The following EDIL3 variants were observed in gnomAD, a reference collection of about 807,000 sequenced individuals.
The protein encoded by EDIL3 is EGF-like repeat and discoidin I-like domain-containing protein 3.
Under a neutral mutation model 67.4 loss-of-function variants are expected in EDIL3, and 37 were observed. The ratio of observed to expected loss-of-function variants is 0.55; its 90% CI spans 0.42 to 0.72. The LOEUF is 0.72. Among genes scored for constraint, EDIL3 ranks in the 30% least tolerant of loss-of-function variants. EDIL3 has a pLI of 0.00. For missense variants in EDIL3, 527 were observed against 586.3 expected, an observed-to-expected ratio of 0.90 and a Z score of 1.04; for synonymous variants, 195 against 196.3, an observed-to-expected ratio of 0.99 and a Z score of 0.05.
intron 4 of EDIL3, among the ~76,000 whole-genome samples, chr5:84,166,641 G>A (rs1449388993): frequency 6.6e-6 from 1 of 152,098 alleles, no homozygotes; most frequent in Non-Finnish European, 1.5e-5. Context: ...AATATAAAAT[G>A]TGGCAGATGG....
chr5:84,190,827 T>C (rs1188932174), intron 3 of EDIL3, among the ~76,000 whole-genome samples: 1 of 151,926 alleles, frequency 6.6e-6, no homozygotes, highest in Non-Finnish European at 1.5e-5. Flanking sequence ...CTCTTTTGTC[T>C]CCCTCACTGA....
chr5:84,031,468 C>T (rs1200919864), intron 9 of EDIL3, among the ~76,000 whole-genome samples: 1 of 152,132 alleles, frequency 6.6e-6, no homozygotes, highest in Non-Finnish European at 1.5e-5. Context: ...TAAATCTACC[C>T]ATGCAACACT....
intron 4 of EDIL3, among the ~76,000 whole-genome samples, chr5:84,142,125 A>G (rs1748211287): frequency 6.6e-6 from 1 of 151,580 alleles, no homozygotes; most frequent in Non-Finnish European, 1.5e-5. Flanking sequence ...GATTATAGCC[A>G]AAAGCCCATG....
chr5:84,104,646 C>T (rs1747426266), intron 6 of EDIL3, among the ~76,000 whole-genome samples: 1 of 151,870 alleles, frequency 6.6e-6, no homozygotes, highest in Non-Finnish European at 1.5e-5. Context: ...ATCCCACTGA[C>T]CTTAAAAGTA....
At chr5:84,380,810 T>G (rs768095836) in intron 1 of EDIL3, among the ~76,000 whole-genome samples, 14 of 152,088 alleles carry the variant, frequency 9.2e-5, no homozygotes, top group Non-Finnish European at 1.8e-4. Context: ...GCTTTTACTT[T>G]TAATGGTATC....
chr5:84,029,129 T>C lies in EDIL3; in HGVS notation c.1137+31171A>G, dbSNP rs570650149. ...AAAATTAGCCAGGTGTGGTGGCAGG[T>C]GCCTGTAGTCCCAGCTACTCTGGAG... On this transcript the variant is annotated intron_variant, in intron 9 of 10. Coordinates refer to ENST00000296591, the MANE Select transcript of EDIL3 (RefSeq NM_005711.5). Among the ~76,000 whole-genome samples the C allele has an allele frequency of 4.6e-5, 7 of 152,204 alleles. No homozygotes were observed. In the East Asian group the frequency reaches 7.7e-4, roughly 17 times the overall value.
At chr5:83,980,836 C>G (rs1429735252) in intron 9 of EDIL3, among the ~76,000 whole-genome samples, 1 of 151,374 alleles carries the variant, frequency 6.6e-6, no homozygotes, top group Non-Finnish European at 1.5e-5. Flanking sequence ...AACTGGTTTT[C>G]TATATCCTAG....
intron 3 of EDIL3, 95 bp downstream of exon 3, chr5:84,229,760 T>C: frequency 7.5e-7 from 1 of 1,340,636 alleles, no homozygotes; most frequent in Non-Finnish European, 1.0e-6. Context: ...AATTTTCTGG[T>C]TGAAATCTGA....
chr5:84,001,425 A>G (rs1420921921), intron 9 of EDIL3, among the ~76,000 whole-genome samples: 1 of 152,132 alleles, frequency 6.6e-6, no homozygotes, highest in South Asian at 2.1e-4. Flanking sequence ...AGCAAACCAA[A>G]CATAAAATTA....
intron 2 of EDIL3, among the ~76,000 whole-genome samples, chr5:84,230,763 A>ATTGTGTGTGTGTG (rs754636367): frequency 1.5e-5 from 2 of 137,130 alleles, no homozygotes; most frequent in African/African-American, 2.8e-5. Flanking sequence ...CCACTACGTG[A>ATTGTGTGTGTGTG]TGTGTGTGTG....
chr5:84,305,551 G>A (rs114518881), intron 1 of EDIL3, among the ~76,000 whole-genome samples: 178 of 152,340 alleles, frequency 1.2e-3, no homozygotes, highest in African/African-American at 4.2e-3. Flanking sequence ...ACAATTCCAA[G>A]CTGTGAGTTC....
intron 1 of EDIL3, among the ~76,000 whole-genome samples, chr5:84,374,791 G>C (rs997393204): frequency 2.6e-5 from 4 of 152,164 alleles, no homozygotes; most frequent in African/African-American, 7.2e-5. Context: ...GGTTTTATAA[G>C]TGTTTGGAAG....
chr5:84,153,103 A>T (rs976009071), intron 4 of EDIL3, among the ~76,000 whole-genome samples: 14 of 152,124 alleles, frequency 9.2e-5, no homozygotes, highest in African/African-American at 3.4e-4. Flanking sequence ...GTTCATTACC[A>T]ATAGCTAACA....
At chr5:84,002,735 A>G (rs1039078872) in intron 9 of EDIL3, among the ~76,000 whole-genome samples, 2 of 152,234 alleles carry the variant, frequency 1.3e-5, no homozygotes, top group Non-Finnish European at 2.9e-5. Flanking sequence ...GATAACCAAC[A>G]GGCTCTCTGA....
chr5:84,328,188 T>A (rs1746801512), intron 1 of EDIL3, among the ~76,000 whole-genome samples: 1 of 152,044 alleles, frequency 6.6e-6, no homozygotes, highest in African/African-American at 2.4e-5. Context: ...TGCAGTTAAA[T>A]ATGTGAGCCT....
At chr5:84,218,006 GA>G (rs1376726211) in intron 3 of EDIL3, among the ~76,000 whole-genome samples, 1 of 152,080 alleles carries the variant, frequency 6.6e-6, no homozygotes, top group Non-Finnish European at 1.5e-5. Context: ...AAAATGAAAA[GA>G]AAATCATGAA....
At position 83,963,321 on chromosome 5, in the gene EDIL3, T is replaced by C; in HGVS notation, c.1177A>G (p.Thr393Ala). The change falls in exon 10 of 11, where the codon ACA becomes GCA. Residue 393 changes from threonine to alanine, a missense_variant. Around this residue, in one of 2 missense-constraint regions of EDIL3, gnomAD observed 494 missense variants for 522.5 expected, o/e 0.95. Coordinates refer to ENST00000296591, the MANE Select transcript of EDIL3 (RefSeq NM_005711.5). The part of the protein sequence containing the change: ...LVPTKVTGII[T>A]QGAKDFGHVQ... ...TGACCAAAATCTTTAGCTCCTTGTG[T>C]AATGATGCCAGTCACTTTGGTTGGA... 2 of 1,609,292 alleles carry C rather than the reference T, an allele frequency of 1.2e-6. No homozygotes were observed. The highest frequency in any genetic ancestry group is 1.7e-6 in the Non-Finnish European group (2 of 1,177,392).
intron 10 of EDIL3, among the ~76,000 whole-genome samples, chr5:83,954,524 C>T (rs1296231052): frequency 1.3e-5 from 2 of 151,654 alleles, no homozygotes; most frequent in Admixed American, 1.3e-4. Flanking sequence ...ACGTGATGAG[C>T]CTTCTCCCTC....
At chr5:84,101,459 G>C (rs1462406876) in intron 6 of EDIL3, among the ~76,000 whole-genome samples, 1 of 151,938 alleles carries the variant, frequency 6.6e-6, no homozygotes, top group Non-Finnish European at 1.5e-5. Flanking sequence ...GATTAATAAA[G>C]GAGAAAAGGG....
Sources: allele counts gnomAD v4.1 joint callset (sites outside exome capture counted in the v4.1 genomes callset), GRCh38; gene constraint gnomAD v4.1.1; regional missense constraint gnomAD v4.1.1; transcripts MANE v1.5; gene names NCBI Gene and HGNC (gene_info 2026-07-23, HGNC 2026-07-21).